The following FBXL7 variants were observed in gnomAD, a reference collection of about 807,000 sequenced individuals.
FBXL7 encodes the protein F-box/LRR-repeat protein 7.
Under a neutral mutation model 38.3 loss-of-function variants are expected in FBXL7, and 12 were observed. The ratio of observed to expected loss-of-function variants is 0.31; its 90% confidence interval spans 0.20 to 0.51. FBXL7 has a LOEUF of 0.51. Ranked by LOEUF, FBXL7 falls within the 20% of genes least tolerant of loss-of-function variation. FBXL7 has a pLI of 0.98. For synonymous variants in FBXL7, 297 were observed against 300.9 expected, an observed-to-expected ratio of 0.99 and a Z score of 0.13; for missense variants, 567 against 676.4, an observed-to-expected ratio of 0.84 and a Z score of 1.79.
Position 15,846,961 on chromosome 5 carries a change from G to A in FBXL7, c.128-80929G>A, listed in dbSNP as rs142421052. On this transcript the variant is annotated intron_variant, in intron 2 of 3. Transcript: ENST00000504595. ...AAAAAATGTTCTACCAGATTGGGTG[G>A]AAAATTAAAGAACCAATAATCTTGA... 2.4e-3 allele frequency among the ~76,000 whole-genome samples: 368 copies of A among 151,976 alleles called. 2 individuals carry two copies. Among genetic ancestry groups the A allele is most frequent in the Middle Eastern group, 3.4e-3 (1 of 294 alleles).
At chr5:15,759,446 C>T (rs1383796656) in intron 2 of FBXL7, among the ~76,000 whole-genome samples, 7 of 152,058 alleles carry the variant, frequency 4.6e-5, no homozygotes, top group African/African-American at 1.7e-4. Flanking sequence ...TTCCCATTGA[C>T]TGCCTTTGAA....
intron 2 of FBXL7, among the ~76,000 whole-genome samples, chr5:15,870,509 G>C (rs72736140): frequency 0.013 from 1,921 of 152,176 alleles, 25 homozygotes; most frequent in Non-Finnish European, 0.02. Flanking sequence ...AAAAGATTAA[G>C]GGTTTTTTGG....
At chr5:15,616,270 T>C (rs1224831616) in intron 2 of FBXL7, among the ~76,000 whole-genome samples, 198 bp downstream of exon 2, 1 of 152,202 alleles carries the variant, frequency 6.6e-6, no homozygotes, top group Non-Finnish European at 1.5e-5. Flanking sequence ...AAAATTGATT[T>C]GACGGGATTC....
chr5:15,539,165 C>T (rs946006175), intron 1 of FBXL7, among the ~76,000 whole-genome samples: 13 of 152,086 alleles, frequency 8.5e-5, no homozygotes, highest in Non-Finnish European at 1.6e-4. Flanking sequence ...ATTCTAATGG[C>T]AATAAAAATG....
intron 2 of FBXL7, among the ~76,000 whole-genome samples, chr5:15,863,848 G>A (rs572833457): frequency 3.3e-5 from 5 of 151,926 alleles, no homozygotes; most frequent in Non-Finnish European, 5.9e-5. Flanking sequence ...GGTCCTCCTC[G>A]CCTTCCACCA....
At chr5:15,825,087 A>G (rs1300752211) in intron 2 of FBXL7, among the ~76,000 whole-genome samples, 3 of 152,230 alleles carry the variant, frequency 2.0e-5, no homozygotes, top group African/African-American at 7.2e-5. Context: ...AGTAAATAAT[A>G]AACATTTAGT....
At chr5:15,510,638 C>G (rs1167658261) in intron 1 of FBXL7, among the ~76,000 whole-genome samples, 1 of 152,106 alleles carries the variant, frequency 6.6e-6, no homozygotes, top group Admixed American at 6.5e-5. Flanking sequence ...CAATTGCCCT[C>G]TAATGTAAAA....
chr5:15,577,245 T>C (rs1738995329), intron 1 of FBXL7, among the ~76,000 whole-genome samples: 1 of 152,174 alleles, frequency 6.6e-6, no homozygotes, highest in Admixed American at 6.5e-5. Context: ...CCTCTGACAA[T>C]GTCATCCACG....
At chr5:15,625,101 A>C (rs1466944119) in intron 2 of FBXL7, among the ~76,000 whole-genome samples, 1 of 152,080 alleles carries the variant, frequency 6.6e-6, no homozygotes, top group East Asian at 1.9e-4. Context: ...TTTCTTTATA[A>C]ATTACCTGGC....
chr5:15,835,909 GATCTGCAGGAAGCTAAAGA>G (rs1738580464), intron 2 of FBXL7, among the ~76,000 whole-genome samples: 1 of 152,152 alleles, frequency 6.6e-6, no homozygotes. Flanking sequence ...GTAATTTTAT[GATCTGCAGGAAGCTAAAGA>G]ACTCTGGGCA....
At chr5:15,620,413 G>GTTTTTTT (rs1222509010) in intron 2 of FBXL7, among the ~76,000 whole-genome samples, 1 of 95,214 alleles carries the variant, frequency 1.1e-5, no homozygotes. Context: ...TTTGTTTTTT[G>GTTTTTTT]TTTTTTTTTT....
chr5:15,901,257 C>T (rs1281304997), intron 2 of FBXL7, among the ~76,000 whole-genome samples: 1 of 152,148 alleles, frequency 6.6e-6, no homozygotes, highest in African/African-American at 2.4e-5. Flanking sequence ...CAGATTGGTG[C>T]CTGGTGGGGG....
intron 2 of FBXL7, among the ~76,000 whole-genome samples, chr5:15,662,476 TTC>T (rs1742119595): frequency 6.6e-6 from 1 of 152,232 alleles, no homozygotes; most frequent in African/African-American, 2.4e-5. Context: ...TGTTGATAGT[TTC>T]TTTTTCTGTG....
chr5:15,791,093 G>T (rs1354864543), intron 2 of FBXL7, among the ~76,000 whole-genome samples: 1 of 149,898 alleles, frequency 6.7e-6, no homozygotes, highest in African/African-American at 2.5e-5. Flanking sequence ...GTTATTGCAT[G>T]TATCTAAGCC....
intron 2 of FBXL7, among the ~76,000 whole-genome samples, chr5:15,672,276 A>T: frequency 6.6e-6 from 1 of 152,198 alleles, no homozygotes; most frequent in East Asian, 1.9e-4. Context: ...GAACATTAGC[A>T]AGTAATGTCT....
At chr5:15,507,438 A>T (rs1736678626) in intron 1 of FBXL7, among the ~76,000 whole-genome samples, 1 of 152,208 alleles carries the variant, frequency 6.6e-6, no homozygotes, top group Admixed American at 6.5e-5. Context: ...AAACTGTCTT[A>T]ACTCTCTTTG....
intron 2 of FBXL7, among the ~76,000 whole-genome samples, chr5:15,672,235 A>G (rs1742502183): frequency 1.3e-5 from 2 of 152,242 alleles, no homozygotes; most frequent in African/African-American, 4.8e-5. Context: ...TTTGCAAGAC[A>G]TCTTAATGTC....
chr5:15,931,573 C>G (rs923139979), intron 3 of FBXL7, among the ~76,000 whole-genome samples: 5 of 152,152 alleles, frequency 3.3e-5, no homozygotes, highest in African/African-American at 1.2e-4. Flanking sequence ...CATTTACTTT[C>G]CTGCATGAAA....
intron 2 of FBXL7, among the ~76,000 whole-genome samples, chr5:15,772,665 G>A (rs570114778): frequency 2.6e-5 from 4 of 152,160 alleles, no homozygotes; most frequent in South Asian, 2.1e-4. Context: ...TTAAAAAATG[G>A]CATATATTAT....
Sources: gnomAD v4.1 joint callset for allele counts (sites outside exome capture counted in the v4.1 genomes callset) on GRCh38, gnomAD v4.1.1 for gene constraint, MANE v1.5 for transcripts, NCBI Gene and HGNC (gene_info 2026-07-23, HGNC 2026-07-21) for gene names.